The following STAG1 variants were observed in gnomAD, a reference collection of about 807,000 sequenced individuals.
The protein encoded by STAG1 is STAG1 cohesin complex component.
In STAG1, 26 loss-of-function variants were observed where a neutral mutation model predicts 170.9. The ratio of observed to expected loss-of-function variants is 0.15; its 90% CI spans 0.11 to 0.21. The LOEUF is 0.21. Among genes scored for constraint, STAG1 ranks in the 10% least tolerant of loss-of-function variants. The pLI, the probability that STAG1 is intolerant of heterozygous loss-of-function variation, is 1.00. For missense variants in STAG1, 964 were observed against 1,509.5 expected (o/e 0.64, Z 5.99); for synonymous variants, 514 against 497.7 (o/e 1.03, Z -0.44).
intron 7 of STAG1, among the ~76,000 whole-genome samples, chr3:136,503,886 C>A (rs897955342): frequency 1.3e-5 from 2 of 152,084 alleles, no homozygotes; most frequent in African/African-American, 4.8e-5. Flanking sequence ...CAGACATGCA[C>A]CACCACGCCC....
At chr3:136,663,393 C>T (rs2107867289) in intron 1 of STAG1, among the ~76,000 whole-genome samples, 1 of 152,178 alleles carries the variant, frequency 6.6e-6, no homozygotes, top group South Asian at 2.1e-4. Flanking sequence ...GCAATTTGCT[C>T]AAGAGCACAT....
chr3:136,560,457 A>C (rs571318497), intron 5 of STAG1, among the ~76,000 whole-genome samples: 2 of 152,350 alleles, frequency 1.3e-5, no homozygotes, highest in African/African-American at 4.8e-5. Context: ...AATACATGCT[A>C]TAATTCTGTG....
chr3:136,548,714 T>C (rs543440663), intron 5 of STAG1, among the ~76,000 whole-genome samples: 1 of 152,300 alleles, frequency 6.6e-6, no homozygotes, highest in African/African-American at 2.4e-5. Flanking sequence ...GTTTTGTTGT[T>C]TTCAGTGAGT....
chr3:136,723,549 C>T (rs1306311042), intron 1 of STAG1, among the ~76,000 whole-genome samples: 2 of 151,906 alleles, frequency 1.3e-5, no homozygotes, highest in Non-Finnish European at 2.9e-5. Flanking sequence ...CCACCCCATC[C>T]GGGAGGGAAG....
At chr3:136,616,151 C>A (rs1939584001) in intron 3 of STAG1, among the ~76,000 whole-genome samples, 1 of 152,028 alleles carries the variant, frequency 6.6e-6, no homozygotes, top group African/African-American at 2.4e-5. Flanking sequence ...CACCTGTCGT[C>A]CCAGCTACTC....
At chr3:136,579,536 C>T (rs998008517) in intron 4 of STAG1, among the ~76,000 whole-genome samples, 13 of 152,240 alleles carry the variant, frequency 8.5e-5, no homozygotes, top group African/African-American at 1.2e-4. Flanking sequence ...AAGCCCTTGA[C>T]GTCCTGCTGG....
At chr3:136,447,271 G>A (rs1186093141) in intron 14 of STAG1, among the ~76,000 whole-genome samples, 5 of 151,568 alleles carry the variant, frequency 3.3e-5, no homozygotes, top group Admixed American at 2.0e-4. Flanking sequence ...GCAAGAGATC[G>A]AGACCATCTG....
At chr3:136,672,787 G>A (rs1942015989) in intron 1 of STAG1, among the ~76,000 whole-genome samples, 2 of 152,144 alleles carry the variant, frequency 1.3e-5, no homozygotes, top group African/African-American at 4.8e-5. Context: ...AATTCATACA[G>A]CAGGTAAAGT....
At chr3:136,529,090 C>A (rs183034502) in intron 6 of STAG1, among the ~76,000 whole-genome samples, 245 of 152,174 alleles carry the variant, frequency 1.6e-3, no homozygotes, top group African/African-American at 5.7e-3. Flanking sequence ...AGAGCCTGAA[C>A]ACAGGTCTTC....
chr3:136,581,378 C>G (rs1022342014), intron 4 of STAG1, among the ~76,000 whole-genome samples: 2 of 152,140 alleles, frequency 1.3e-5, no homozygotes, highest in Non-Finnish European at 2.9e-5. Flanking sequence ...AGTTCAAAAA[C>G]AATCCCTAAT....
chr3:136,421,020 C>G, intron 20 of STAG1, 73 bp downstream of exon 20: 2 of 869,222 alleles, frequency 2.3e-6, no homozygotes, highest in Non-Finnish European at 3.5e-6. Context: ...ATCTGCCCAT[C>G]TCGGCCTCTC....
At chr3:136,703,831 G>A (rs1576786930) in intron 1 of STAG1, among the ~76,000 whole-genome samples, 1 of 151,950 alleles carries the variant, frequency 6.6e-6, no homozygotes, top group African/African-American at 2.4e-5. Flanking sequence ...CCAACATGGT[G>A]AAACCTGGTC....
chr3:136,556,013 A>C (rs570111778), intron 5 of STAG1, among the ~76,000 whole-genome samples: 75 of 152,276 alleles, frequency 4.9e-4, no homozygotes, highest in Non-Finnish European at 3.2e-4. Context: ...ATAATTTAAA[A>C]ATATATCATG....
At chr3:136,716,076 C>T (rs921199217) in intron 1 of STAG1, among the ~76,000 whole-genome samples, 4 of 151,762 alleles carry the variant, frequency 2.6e-5, no homozygotes, top group South Asian at 2.1e-4. Context: ...CCAGTGTGGG[C>T]GACACAGAGA....
intron 1 of STAG1, among the ~76,000 whole-genome samples, chr3:136,705,375 TCAAACACACACACACACACA>T (rs1943199461): frequency 9.7e-6 from 1 of 102,630 alleles, no homozygotes; most frequent in Non-Finnish European, 1.8e-5. Context: ...CACATGATCA[TCAAACACACACACACACACA>T]CACACACACA....
At position 136,488,537 on chromosome 3, in the gene STAG1, A is replaced by G. The variant is rs542128995; in HGVS notation, c.903-11125T>C. On this transcript the variant is annotated intron_variant, in intron 9 of 33. Coordinates refer to ENST00000383202, the MANE Select transcript of STAG1 (RefSeq NM_005862.3). Reference sequence around the variant, plus strand: ...ACCCTTAGAAATATAATAATAACCAATCATCTTACACAATTAGTTCTTTAG... The same window carrying G: ...ACCCTTAGAAATATAATAATAACCAGTCATCTTACACAATTAGTTCTTTAG... 7.2e-5 allele frequency among the ~76,000 whole-genome samples: 11 copies of G among 152,346 alleles called. No individual in the cohort carries two copies. In the South Asian group the frequency reaches 1.4e-3, roughly 20 times the overall value.
chr3:136,501,364 G>C (rs1933460073), intron 8 of STAG1, among the ~76,000 whole-genome samples: 1 of 152,148 alleles, frequency 6.6e-6, no homozygotes, highest in South Asian at 2.1e-4. Flanking sequence ...GTGAAATTAG[G>C]AGAGGACTGT....
In STAG1 at chr3:136,529,384, C is replaced by G. The variant is rs182638531; in HGVS notation, c.472-7967G>C. Among the ~76,000 whole-genome samples, 13 of 152,184 alleles carry G rather than the reference C, an allele frequency of 8.5e-5. No homozygotes were observed. The East Asian group carries it at 2.5e-3, about 29-fold the overall frequency. ...AAGACAGAGAGAATTCTGAAAACAGCAAAAGTGTCTAGTCATATATAAAGA... is the reference window on the plus strand; with the variant it reads ...AAGACAGAGAGAATTCTGAAAACAGGAAAAGTGTCTAGTCATATATAAAGA... On this transcript the variant is annotated intron_variant, in intron 6 of 33. Coordinates refer to ENST00000383202, the MANE Select transcript of STAG1 (RefSeq NM_005862.3).
chr3:136,486,618 T>C (rs1408342235), intron 9 of STAG1, among the ~76,000 whole-genome samples: 2 of 152,190 alleles, frequency 1.3e-5, no homozygotes, highest in African/African-American at 4.8e-5. Flanking sequence ...CACAATTTCA[T>C]GGAAGCAGGC....
Sources: gnomAD v4.1 joint callset for allele counts (sites outside exome capture counted in the v4.1 genomes callset) on GRCh38, gnomAD v4.1.1 for gene constraint, MANE v1.5 for transcripts, NCBI Gene and HGNC (gene_info 2026-07-23, HGNC 2026-07-21) for gene names.